Variants in ARHGAP10 observed in about 807,000 individuals in gnomAD.
ARHGAP10 encodes rho GTPase-activating protein 10.
Under a neutral mutation model 108.6 loss-of-function variants are expected in ARHGAP10, and 87 were observed. The observed-to-expected ratio is 0.80, with a 90% CI of 0.67 to 0.96. ARHGAP10 has a LOEUF of 0.96. Among genes scored for constraint, ARHGAP10 ranks in the 40% least tolerant of loss-of-function variants. The pLI, the probability that ARHGAP10 is intolerant of heterozygous loss-of-function variation, is 0.00. For synonymous variants in ARHGAP10, 347 were observed against 341.1 expected, an observed-to-expected ratio of 1.02 and a Z score of -0.19; for missense variants, 939 against 954.5, an observed-to-expected ratio of 0.98 and a Z score of 0.21.
intron 20 of ARHGAP10, among the ~76,000 whole-genome samples, chr4:148,053,107 A>C (rs1310258280): frequency 6.6e-6 from 1 of 152,140 alleles, no homozygotes; most frequent in African/African-American, 2.4e-5. Context: ...AGTGCGGTAG[A>C]TATATCTTCA....
chr4:147,795,437 G>T (rs1400395104), intron 1 of ARHGAP10, among the ~76,000 whole-genome samples: 1 of 151,922 alleles, frequency 6.6e-6, no homozygotes, highest in East Asian at 1.9e-4. Context: ...TTCCTTGAGG[G>T]TTAGCTCTGC....
intron 14 of ARHGAP10, among the ~76,000 whole-genome samples, chr4:147,940,295 C>A (rs1344485751): frequency 6.6e-6 from 1 of 152,142 alleles, no homozygotes; most frequent in Non-Finnish European, 1.5e-5. Context: ...TGTCATTTGA[C>A]AGCAAGGGTC....
intron 3 of ARHGAP10, among the ~76,000 whole-genome samples, chr4:147,830,692 G>T (rs932646815): frequency 6.6e-6 from 1 of 151,882 alleles, no homozygotes; most frequent in East Asian, 1.9e-4. Flanking sequence ...GCTAATTTTT[G>T]TATTTTTAGT....
intron 10 of ARHGAP10, among the ~76,000 whole-genome samples, chr4:147,896,289 A>C (rs1735990447): frequency 6.6e-6 from 1 of 152,094 alleles, no homozygotes; most frequent in South Asian, 2.1e-4. Flanking sequence ...TATTGGTATT[A>C]AGTGTTTGAG....
intron 20 of ARHGAP10, among the ~76,000 whole-genome samples, chr4:148,051,859 C>T (rs1475322264): frequency 6.6e-6 from 1 of 152,208 alleles, no homozygotes; most frequent in Non-Finnish European, 1.5e-5. Context: ...TTTGTGTGCA[C>T]TCACTGGTAA....
intron 11 of ARHGAP10, among the ~76,000 whole-genome samples, chr4:147,908,958 AAC>A (rs1426614657): frequency 2.0e-5 from 3 of 152,088 alleles, no homozygotes; most frequent in South Asian, 4.2e-4. Flanking sequence ...TAACTGAGAA[AAC>A]ACAGCGCACT....
intron 20 of ARHGAP10, among the ~76,000 whole-genome samples, chr4:148,052,306 C>T (rs1729173628): frequency 7.0e-6 from 1 of 143,088 alleles, no homozygotes; most frequent in Admixed American, 7.1e-5. Context: ...ACACTCAGTT[C>T]ACCCTAGAAG....
intron 1 of ARHGAP10, among the ~76,000 whole-genome samples, chr4:147,770,291 A>G (rs1384285612): frequency 6.6e-6 from 1 of 152,136 alleles, no homozygotes; most frequent in Non-Finnish European, 1.5e-5. Context: ...TAATCCCAGC[A>G]CTTTGGGAGG....
intron 1 of ARHGAP10, among the ~76,000 whole-genome samples, chr4:147,771,831 C>T (rs1260793973): frequency 1.3e-5 from 2 of 152,106 alleles, no homozygotes; most frequent in East Asian, 1.9e-4. Context: ...CTTGCCTTGT[C>T]ACCAGGCTGT....
chr4:147,879,016 C>T (rs893773653), intron 8 of ARHGAP10, among the ~76,000 whole-genome samples: 15 of 152,212 alleles, frequency 9.9e-5, no homozygotes, highest in African/African-American at 2.2e-4. Flanking sequence ...GTGATCCACC[C>T]GCCTCGACCT....
chr4:147,983,179 GCT>G (rs891721276), intron 18 of ARHGAP10, among the ~76,000 whole-genome samples: 10 of 138,422 alleles, frequency 7.2e-5, no homozygotes, highest in African/African-American at 2.6e-4. Context: ...ATGGTGCCTG[GCT>G]GCTTTGTTTT....
intron 14 of ARHGAP10, among the ~76,000 whole-genome samples, chr4:147,945,669 T>A (rs1424479269): frequency 1.3e-5 from 2 of 152,230 alleles, no homozygotes. Context: ...TTTATCATCC[T>A]TTCACCAGTT....
In ARHGAP10 at chr4:147,765,345, G is replaced by T. The variant is rs944905773; in HGVS notation, c.154+32890G>T. On this transcript the variant is annotated intron_variant, in intron 1 of 22. Coordinates refer to ENST00000336498, the MANE Select transcript of ARHGAP10 (RefSeq NM_024605.4). ...TGTGGTGTGTGTGTGTGTGGGGGGG[G>T]GGGTGTGAGTGTGTGTATTTCAATG... Among the ~76,000 whole-genome samples, 105 of 146,912 alleles carry T rather than the reference G, an allele frequency of 7.1e-4. 2 individuals are homozygous for T. Among genetic ancestry groups the T allele is most frequent in the African/African-American group, 2.5e-3 (102 of 40,132 alleles).
intron 1 of ARHGAP10, among the ~76,000 whole-genome samples, chr4:147,734,545 C>T (rs773537879): frequency 1.3e-5 from 2 of 152,126 alleles, no homozygotes; most frequent in African/African-American, 4.8e-5. Context: ...TGCCTTTTCC[C>T]GCTTGCTCCA....
At chr4:147,762,575 G>T (rs558267340) in intron 1 of ARHGAP10, among the ~76,000 whole-genome samples, 65 of 150,758 alleles carry the variant, frequency 4.3e-4, no homozygotes, top group African/African-American at 1.5e-3. Flanking sequence ...CTGTCTCCCA[G>T]GCTGGAGTGC....
chr4:147,918,317 A>G (rs1157771309), intron 13 of ARHGAP10, among the ~76,000 whole-genome samples: 7 of 151,874 alleles, frequency 4.6e-5, no homozygotes, highest in Admixed American at 4.6e-4. Flanking sequence ...TTGTATTTTT[A>G]GTAGAGACAG....
chr4:148,008,985 T>TA (rs1741061293), intron 18 of ARHGAP10, among the ~76,000 whole-genome samples: 1 of 152,208 alleles, frequency 6.6e-6, no homozygotes, highest in Admixed American at 6.5e-5. Flanking sequence ...ATTATGTTAA[T>TA]ATGTAATGGT....
intron 4 of ARHGAP10, among the ~76,000 whole-genome samples, chr4:147,849,252 T>A (rs993489810): frequency 7.3e-5 from 11 of 150,334 alleles, no homozygotes; most frequent in Admixed American, 2.0e-4. Flanking sequence ...TTTTTTTTTT[T>A]AAATTCTCTA....
chr4:147,746,762 T>A (rs910364224), intron 1 of ARHGAP10, among the ~76,000 whole-genome samples: 5 of 152,198 alleles, frequency 3.3e-5, no homozygotes, highest in Non-Finnish European at 5.9e-5. Context: ...ACCTTTCACC[T>A]GTTTCATGAC....
Sources: allele counts gnomAD v4.1 joint callset (sites outside exome capture counted in the v4.1 genomes callset), GRCh38; gene constraint gnomAD v4.1.1; transcripts MANE v1.5; gene names NCBI Gene and HGNC (gene_info 2026-07-23, HGNC 2026-07-21).